The following POMGNT1 variants were observed in gnomAD, a reference collection of about 807,000 sequenced individuals.
The protein encoded by POMGNT1 is protein O-linked-mannose beta-1,2-N-acetylglucosaminyltransferase 1.
A neutral mutation model predicts 95.6 loss-of-function variants in POMGNT1; 67 were observed. The observed-to-expected ratio is 0.70, with a 90% CI of 0.58 to 0.86. The LOEUF (loss-of-function observed/expected upper bound fraction) is 0.86, where lower values mean the gene tolerates loss of function less well. Among genes scored for constraint, POMGNT1 ranks in the 40% least tolerant of loss-of-function variants. POMGNT1 has a pLI of 0.00. For synonymous variants in POMGNT1, 298 were observed against 317.9 expected, an observed-to-expected ratio of 0.94 and a Z score of 0.66; for missense variants, 719 against 855.2, an observed-to-expected ratio of 0.84 and a Z score of 1.99.
chr1:46,214,510 G>T (rs1659002802), intron 1 of POMGNT1, among the ~76,000 whole-genome samples: 1 of 152,094 alleles, frequency 6.6e-6, no homozygotes. Flanking sequence ...AACATTCAGA[G>T]AACTAGAAAC....
At chr1:46,190,097 CTTTT>C (rs946195454) in intron 19 of POMGNT1, 108 bp from the exon 20 acceptor site, 2,051 of 801,268 alleles carry the variant, frequency 2.6e-3, no homozygotes, top group East Asian at 3.1e-3. Context: ...CCTTGAAGTT[CTTTT>C]TTTTTTTTTT....
intron 18 of POMGNT1, 60 bp from the exon 19 acceptor site, chr1:46,190,577 C>T (rs937531263): frequency 1.6e-5 from 24 of 1,540,252 alleles, no homozygotes; most frequent in Non-Finnish European, 2.1e-5. Flanking sequence ...CCATGGGTAG[C>T]ACTGAGCAGG....
chr1:46,198,543 G>GCGGCGGCA (rs1557679948), upstream of POMGNT1: 2 of 84,078 alleles, frequency 2.4e-5, no homozygotes, highest in African/African-American at 1.1e-4. Context: ...CGGCGGCGGT[G>GCGGCGGCA]GCGGCAGCGG....
At chr1:46,217,015 G>A (rs1237482900) in intron 1 of POMGNT1, among the ~76,000 whole-genome samples, 1 of 152,178 alleles carries the variant, frequency 6.6e-6, no homozygotes, top group Admixed American at 6.6e-5. Context: ...AACATGCAAA[G>A]CTTCAATAAA....
intron 1 of POMGNT1, among the ~76,000 whole-genome samples, chr1:46,208,704 G>C (rs549034893): frequency 6.6e-6 from 1 of 152,080 alleles, no homozygotes; most frequent in Admixed American, 6.6e-5. Context: ...TTAGCTGGAC[G>C]TGGTGGTGCA....
At chr1:46,194,234 G>A (rs1296715732) in intron 9 of POMGNT1, 40 bp downstream of exon 9, 1 of 1,614,078 alleles carries the variant, frequency 6.2e-7, no homozygotes, top group East Asian at 2.2e-5. Flanking sequence ...TGCTGAGCTG[G>A]GAAGGAGTCC....
intron 13 of POMGNT1, 28 bp from the exon 14 acceptor site, chr1:46,192,986 C>A: frequency 6.2e-7 from 1 of 1,613,856 alleles, no homozygotes; most frequent in Non-Finnish European, 8.5e-7. Flanking sequence ...CATCATGGTC[C>A]CAAAGGGGTC....
chr1:46,194,836 G>A lies in POMGNT1; in HGVS notation c.652+8C>T, dbSNP rs778376741. 5 of 1,613,908 alleles carry A rather than the reference G, an allele frequency of 3.1e-6. No homozygotes were observed. The African/African-American group carries it at 5.3e-5, about 17-fold the overall frequency. On this transcript the variant is annotated splice_region_variant and intron_variant, in intron 7 of 21. Transcript: ENST00000371984. ...TACTACAGAGTGGATGGCCTCTGAT[G>A]CCGGCACCTCCTTTTCGTCCCACGA... is the stretch of plus-strand genomic sequence containing the variant.
chr1:46,199,607 G>A (rs1658475211), upstream of POMGNT1, among the ~76,000 whole-genome samples: 1 of 152,170 alleles, frequency 6.6e-6, no homozygotes, highest in Non-Finnish European at 1.5e-5. Context: ...CCATAGAACA[G>A]TTTTAGGCAG....
Position 46,195,830 on chromosome 1 carries a change from A to G in POMGNT1, c.515T>C (p.Val172Ala). The change falls in exon 6 of 22, where the codon GTG becomes GCG. Residue 172 changes from valine to alanine, a missense_variant. Coordinates refer to ENST00000371984, the MANE Select transcript of POMGNT1 (RefSeq NM_017739.4). Reference protein sequence around the residue: ...LFLNMVAPGRVLICTVKDEGS... With the variant: ...LFLNMVAPGRALICTVKDEGS... The stretch of plus-strand genomic sequence containing the variant: ...ACTGACCTTGACAGTGCAGATGAGC[A>G]CTCGGCCGGGCGCTACCATGTTGAG... 2 of 1,600,096 alleles carry G rather than the reference A, an allele frequency of 1.2e-6. No individual in the cohort carries two copies. Among genetic ancestry groups the G allele is most frequent in the Non-Finnish European group, 1.7e-6 (2 of 1,172,372 alleles).
At chr1:46,195,070 T>A in intron 6 of POMGNT1, 109 bp from the exon 7 acceptor site, 1 of 938,622 alleles carries the variant, frequency 1.1e-6, no homozygotes, top group Non-Finnish European at 1.8e-6. Flanking sequence ...CTCATTACAT[T>A]ATTGCAATAA....
At position 46,188,738 on chromosome 1, in the gene POMGNT1, T is replaced by C. The variant is rs1571643851; in HGVS notation, c.*532A>G. 1 of 1,607,460 alleles carries C rather than the reference T, an allele frequency of 6.2e-7. No individual in the cohort carries two copies. The highest frequency in any genetic ancestry group is 2.2e-5 in the East Asian group (1 of 44,730). On this transcript the variant is annotated 3_prime_UTR_variant, in exon 22 of 22. Coordinates refer to ENST00000371984, the MANE Select transcript of POMGNT1 (RefSeq NM_017739.4). The stretch of plus-strand genomic sequence containing the variant: ...ACCAACTTATCCAGCTTTGGAAATC[T>C]GGACAAAGAGAAGGCTGAGAGGAGG...
chr1:46,208,618 G>T (rs1197778615), intron 1 of POMGNT1, among the ~76,000 whole-genome samples: 1 of 152,024 alleles, frequency 6.6e-6, no homozygotes, highest in Non-Finnish European at 1.5e-5. Flanking sequence ...CGAGGCGGGC[G>T]GATCACCTGA....
At chr1:46,195,777 G>C (rs1374317767) in intron 6 of POMGNT1, 34 bp downstream of exon 6, 30 of 1,545,056 alleles carry the variant, frequency 1.9e-5, no homozygotes, top group Non-Finnish European at 2.6e-5. Flanking sequence ...TGGAGCTAGG[G>C]AGTAGGGGTC....
chr1:46,189,891 T>C lies in POMGNT1; in HGVS notation c.1748A>G (p.Lys583Arg), dbSNP rs1657615911. The change falls in exon 20 of 22, where the codon AAA becomes AGA. Residue 583 changes from lysine (K) to arginine (R), a missense_variant. Coordinates refer to ENST00000371984, the MANE Select transcript of POMGNT1 (RefSeq NM_017739.4). ...HTYVAFIRME[K>R]DDDFTTWTQL... ...GGTCCAGGTGGTGAAGTCATCATCTTTCTCCATTCGAATAAAGGCCACGTA... is the reference window on the plus strand; with the variant it reads ...GGTCCAGGTGGTGAAGTCATCATCTCTCTCCATTCGAATAAAGGCCACGTA... The C allele has an allele frequency of 6.2e-6, 10 of 1,613,990 alleles. No homozygotes were observed. Among genetic ancestry groups the C allele is most frequent in the East Asian group, 4.5e-5 (2 of 44,866 alleles).
At chr1:46,211,789 G>A (rs1658905336) in intron 1 of POMGNT1, among the ~76,000 whole-genome samples, 1 of 151,986 alleles carries the variant, frequency 6.6e-6, no homozygotes. Flanking sequence ...TTTTGAGACG[G>A]AGTCTTGCTC....
Position 46,196,221 on chromosome 1 carries a change from G to T in POMGNT1, c.355-144C>A. On this transcript the variant is annotated intron_variant, in intron 4 of 21. Transcript: ENST00000371984. The surrounding 1 kb of genome is among the most constrained non-coding windows in gnomAD (Gnocchi z 4.4). ...ACACAGTTCTTTTCCAACTCAGCTC[G>T]AAGGCCACCTCTTCCAGAAAGCCTC... is the stretch of plus-strand genomic sequence containing the variant. 6.7e-7 allele frequency: 1 copy of T among 1,503,048 alleles called. No individual in the cohort carries two copies. The highest frequency in any genetic ancestry group is 9.0e-7 in the Non-Finnish European group (1 of 1,116,224). 93.1% of individuals were successfully genotyped at this position (1,503,048 alleles called of 1,614,324 possible). A position where few individuals can be genotyped will look rare whatever the true frequency, so the allele number is the denominator to read the frequency against.
chr1:46,216,538 C>A (rs1009667976), intron 1 of POMGNT1, among the ~76,000 whole-genome samples: 1 of 152,110 alleles, frequency 6.6e-6, no homozygotes, highest in African/African-American at 2.4e-5. Flanking sequence ...GACAGTGTCT[C>A]ACTCTGTTAC....
At chr1:46,216,515 A>G (rs1007513250) in intron 1 of POMGNT1, among the ~76,000 whole-genome samples, 1 of 151,456 alleles carries the variant, frequency 6.6e-6, no homozygotes, top group Non-Finnish European at 1.5e-5. Flanking sequence ...CTAATTTTTA[A>G]ATTTTTTGTA....
Sources: gnomAD v4.1 joint callset for allele counts (sites outside exome capture counted in the v4.1 genomes callset) on GRCh38, gnomAD v4.1.1 for gene constraint, Gnocchi (gnomAD v3.1) non-coding constraint, MANE v1.5 for transcripts, NCBI Gene and HGNC (gene_info 2026-07-23, HGNC 2026-07-21) for gene names.